The following TLCD5 variants were observed in gnomAD, a reference collection of about 807,000 sequenced individuals.
The protein encoded by TLCD5 is TLC domain-containing protein 5.
A neutral mutation model predicts 20.5 loss-of-function variants in TLCD5; 15 were observed. That is an observed-to-expected ratio of 0.73 (90% CI 0.49 to 1.13). TLCD5 has a LOEUF of 1.13. TLCD5 is among the 50% of genes most tolerant of loss of function. TLCD5 has a pLI of 0.00. For missense variants in TLCD5, 289 were observed against 305.6 expected (o/e 0.95, Z 0.41); for synonymous variants, 107 against 114.7 (o/e 0.93, Z 0.43).
chr11:120,327,635 A>C lies in TLCD5; in HGVS notation c.194A>C (p.His65Pro). 6.2e-7 allele frequency: 1 copy of C among 1,611,600 alleles called. No individual in the cohort carries two copies. Among genetic ancestry groups the C allele is most frequent in the South Asian group, 1.1e-5 (1 of 90,574 alleles). Residue 65 changes from histidine to proline, a missense_variant, in exon 2 of 3, where the codon CAC (histidine) becomes CCC (proline). By Grantham distance (77) the His-to-Pro change is moderately conservative. Transcript: ENST00000375095. ...ATTGATGGCCCATGGCCTTTTACCC[A>C]CCCAGGTAGGTAGGGGATTTTCCCT... ...GFIDGPWPFT[H>P]PGSPNTPLQV... is the part of the protein sequence containing the mutation.
intron 2 of TLCD5, among the ~76,000 whole-genome samples, 182 bp from the exon 3 acceptor site, chr11:120,329,795 T>G (rs1942106920): frequency 6.6e-6 from 1 of 152,194 alleles, no homozygotes; most frequent in African/African-American, 2.4e-5. Context: ...CATCGTTTAG[T>G]TTGATAAAGA....
intron 1 of TLCD5, among the ~76,000 whole-genome samples, chr11:120,326,809 G>C (rs1942011120): frequency 6.6e-6 from 1 of 152,094 alleles, no homozygotes; most frequent in African/African-American, 2.4e-5. Context: ...CAAATCTTTG[G>C]GTCGGATTTC....
chr11:120,327,622 T>C lies in TLCD5; in HGVS notation c.181T>C (p.Trp61Arg). The change falls in exon 2 of 3, where the codon TGG becomes CGG. Residue 61 changes from tryptophan (W) to arginine (R), a missense_variant. Coordinates refer to ENST00000375095, the MANE Select transcript of TLCD5 (RefSeq NM_001198671.2). ...TTATATTGGCTTCATTGATGGCCCA[T>C]GGCCTTTTACCCACCCAGGTAGGTA... ...SAYIGFIDGP[W>R]PFTHPGSPNT... The C allele has an allele frequency of 6.2e-7, 1 of 1,613,874 alleles. No individual in the cohort carries two copies. Among genetic ancestry groups the C allele is most frequent in the Non-Finnish European group, 8.5e-7 (1 of 1,179,892 alleles).
In TLCD5 at chr11:120,329,964, T is replaced by C. The variant is rs1428323111; in HGVS notation, c.200-13T>C. On this transcript the variant is annotated splice_polypyrimidine_tract_variant and intron_variant, in intron 2 of 2. Coordinates refer to ENST00000375095, the MANE Select transcript of TLCD5 (RefSeq NM_001198671.2). ...CCAGTCACTCAATTTGCTTCTGTCT[T>C]GGTTTGTTTCAGGCTCACCCAATAC... The C allele has an allele frequency of 6.2e-7, 1 of 1,601,994 alleles. No homozygotes were observed. The highest frequency in any genetic ancestry group is 2.2e-5 in the East Asian group (1 of 44,680).
chr11:120,327,267 A>G, intron 1 of TLCD5, 174 bp from the exon 2 acceptor site: 1 of 1,160,494 alleles, frequency 8.6e-7, no homozygotes. Context: ...TTGGAATGAT[A>G]AATACAGCCA....
At position 120,330,123 on chromosome 11, in the gene TLCD5, G is replaced by T. The variant is rs1942115893; in HGVS notation, c.346G>T (p.Ala116Ser). The T allele has an allele frequency of 6.2e-7, 1 of 1,613,624 alleles. No individual in the cohort carries two copies. Among genetic ancestry groups the T allele is most frequent in the South Asian group, 1.1e-5 (1 of 91,006 alleles). Reference protein sequence around the residue: ...HTLSILGIIMALVLGESGTEV... With the variant: ...HTLSILGIIMSLVLGESGTEV... ...ATTGAGTATCTTGGGCATTATCATG[G>T]CCCTTGTGCTTGGGGAGTCTGGCAC... Residue 116 changes from alanine to serine, a missense_variant, in exon 3 of 3, where the codon GCC becomes TCC. Ala to Ser is a moderately conservative substitution (Grantham distance 99, BLOSUM62 1). Transcript: ENST00000375095.
chr11:120,326,407 TG>T (rs1356264420), intron 1 of TLCD5, among the ~76,000 whole-genome samples: 1 of 152,198 alleles, frequency 6.6e-6, no homozygotes, highest in Admixed American at 6.5e-5. Context: ...ATAGCATTCT[TG>T]GGAAGTGGCT....
At chr11:120,327,677 G>C (rs748495628) in intron 2 of TLCD5, 37 bp downstream of exon 2, 11 of 1,591,260 alleles carry the variant, frequency 6.9e-6, no homozygotes, top group African/African-American at 1.4e-5. Flanking sequence ...TTTATGATTT[G>C]GGGGTAGTCT....
At chr11:120,327,122 G>T in intron 1 of TLCD5, 2 of 497,780 alleles carry the variant, frequency 4.0e-6, no homozygotes, top group Non-Finnish European at 7.1e-6. Flanking sequence ...ATTGCCCAAG[G>T]TCAGTCATCG....
rs370693792 is a variant in TLCD5 at position 120,327,348 on chromosome 11, A to G, written c.-1-93A>G. 9 of 1,598,372 alleles carry G rather than the reference A, an allele frequency of 5.6e-6. No homozygotes were observed. In the South Asian group the frequency reaches 7.9e-5, roughly 14 times the overall value. On this transcript the variant is annotated intron_variant, in intron 1 of 2. Transcript: ENST00000375095. ...TAAGGCAATATTTTTGAACTATTCTATAATAGAAATGAGGATATATACACA... is the reference window on the plus strand; with the variant it reads ...TAAGGCAATATTTTTGAACTATTCTGTAATAGAAATGAGGATATATACACA...
In TLCD5 at chr11:120,333,243, C is replaced by T. The variant is rs1383187601; in HGVS notation, c.*2728C>T. ...TTGGCACAGTGCAACCTGTTCCATA[C>T]CAGACAAATGAACAGGCTTAATCTG... On this transcript the variant is annotated 3_prime_UTR_variant, in exon 3 of 3. Transcript: ENST00000375095. The surrounding 1 kb of genome is among the most constrained non-coding windows in gnomAD (Gnocchi z 4.5). 1 of 152,148 alleles carries T rather than the reference C, an allele frequency of 6.6e-6. No individual in the cohort carries two copies. Among genetic ancestry groups the T allele is most frequent in the African/African-American group, 2.4e-5 (1 of 41,426 alleles). The allele number at this position is 152,148 out of a possible 1,614,324, so 9.4% of individuals were successfully genotyped here. A position where few individuals can be genotyped will look rare whatever the true frequency, so the allele number is the denominator to read the frequency against.
At position 120,333,589 on chromosome 11, in the gene TLCD5, T is replaced by G. The variant is rs1225363859; in HGVS notation, c.*3074T>G. 6.6e-6 allele frequency: 1 copy of G among 152,234 alleles called. No homozygotes were observed. Among genetic ancestry groups the G allele is most frequent in the African/African-American group, 2.4e-5 (1 of 41,462 alleles). 9.4% of individuals were successfully genotyped at this position (152,234 alleles called of 1,614,324 possible). On this transcript the variant is annotated 3_prime_UTR_variant, in exon 3 of 3. Transcript: ENST00000375095. The surrounding 1 kb of genome is among the most constrained non-coding windows in gnomAD (Gnocchi z 4.5). The stretch of plus-strand genomic sequence containing the variant: ...AATGAAGTACTCATTTGCACTGGAT[T>G]ACTGTGTAATGATAACGAACACTGT...
At position 120,333,170 on chromosome 11, in the gene TLCD5, G is replaced by T. The variant is rs1942193302; in HGVS notation, c.*2655G>T. On this transcript the variant is annotated 3_prime_UTR_variant, in exon 3 of 3. Transcript: ENST00000375095. The surrounding 1 kb of genome is among the most constrained non-coding windows in gnomAD (Gnocchi z 4.5). ...TAGCAAAAGCTTGTAGAAAAGAGTG[G>T]CCTGGCACATGAGCTTAAAAAAAAG... 1 of 151,936 alleles carries T rather than the reference G, an allele frequency of 6.6e-6. No homozygotes were observed. The highest frequency in any genetic ancestry group is 1.5e-5 in the Non-Finnish European group (1 of 68,004). The allele number at this position is 151,936 out of a possible 1,614,324, so 9.4% of individuals were successfully genotyped here.
chr11:120,327,884 A>G (rs938415991), intron 2 of TLCD5, among the ~76,000 whole-genome samples: 3 of 152,204 alleles, frequency 2.0e-5, no homozygotes, highest in African/African-American at 7.2e-5. Context: ...GGAAATACAA[A>G]AACTATAAAG....
Position 120,330,736 on chromosome 11 carries a change from T to G in TLCD5, c.*221T>G. On this transcript the variant is annotated 3_prime_UTR_variant, in exon 3 of 3. Transcript: ENST00000375095. ...GAAAGTGAGAATACTCCATGGTAGTTGGGAATAAGTGAGAACTGTGAAGTG... is the reference window on the plus strand; with the variant it reads ...GAAAGTGAGAATACTCCATGGTAGTGGGGAATAAGTGAGAACTGTGAAGTG... 2.0e-6 allele frequency: 1 copy of G among 503,426 alleles called. No individual in the cohort carries two copies. Among genetic ancestry groups the G allele is most frequent in the South Asian group, 3.4e-5 (1 of 29,248 alleles). 31.2% of individuals were successfully genotyped at this position (503,426 alleles called of 1,614,324 possible). A position where few individuals can be genotyped will look rare whatever the true frequency, so the allele number is the denominator to read the frequency against.
At chr11:120,328,246 A>AT (rs539357881) in intron 2 of TLCD5, among the ~76,000 whole-genome samples, 4 of 151,504 alleles carry the variant, frequency 2.6e-5, no homozygotes, top group African/African-American at 4.9e-5. Context: ...TGCCCAGCTA[A>AT]TTTTTTTTGT....
chr11:120,327,708 A>T, intron 2 of TLCD5, 68 bp downstream of exon 2: 1 of 1,482,536 alleles, frequency 6.7e-7, no homozygotes, highest in Non-Finnish European at 9.1e-7. Flanking sequence ...GGACTTTTAA[A>T]CAGAATTTGT....
chr11:120,325,458 T>C (rs1941971901), intron 1 of TLCD5, 90 bp downstream of exon 1: 1 of 151,686 alleles, frequency 6.6e-6, no homozygotes, highest in Non-Finnish European at 1.5e-5. Context: ...GGGCCCGGGC[T>C]CGCCTCCGAA....
Position 120,325,364 on chromosome 11 carries a change from G to T in TLCD5, c.-6G>T, listed in dbSNP as rs1327464546. On this transcript the variant is annotated 5_prime_UTR_variant, in exon 1 of 3. Transcript: ENST00000375095. ...CGCCCGAGGCTTCCCGGTGCGCTCC[G>T]CCAGGTAACCGCTCGGCGCGAACTG... 2 of 152,254 alleles carry T rather than the reference G, an allele frequency of 1.3e-5. No homozygotes were observed. The highest frequency in any genetic ancestry group is 3.4e-3 in the Middle Eastern group (1 of 294). 9.4% of individuals were successfully genotyped at this position (152,254 alleles called of 1,614,324 possible).
Sources: allele counts gnomAD v4.1 joint callset (sites outside exome capture counted in the v4.1 genomes callset), GRCh38; gene constraint gnomAD v4.1.1; non-coding constraint Gnocchi (gnomAD v3.1); transcripts MANE v1.5; gene names NCBI Gene and HGNC (gene_info 2026-07-23, HGNC 2026-07-21).